The following IQSEC2 variants were observed in gnomAD, a reference collection of about 807,000 sequenced individuals.
IQSEC2 encodes the protein IQ motif and SEC7 domain-containing protein 2.
A neutral mutation model predicts 74.6 loss-of-function variants in IQSEC2; 6 were observed. That is an observed-to-expected ratio of 0.08 (90% CI 0.04 to 0.16). IQSEC2 has a LOEUF of 0.16. Ranked by LOEUF, IQSEC2 falls within the 10% of genes least tolerant of loss-of-function variation. The pLI is 1.00. For synonymous variants in IQSEC2, 494 were observed against 544.5 expected, an observed-to-expected ratio of 0.91 and a Z score of 1.29; for missense variants, 734 against 1,306.2, an observed-to-expected ratio of 0.56 and a Z score of 6.75.
At chrX:53,320,131 A>C (rs2075414849) in intron 1 of IQSEC2, among the ~76,000 whole-genome samples, 1 of 112,201 alleles carries the variant, frequency 8.9e-6, no homozygotes, top group African/African-American at 3.2e-5. Flanking sequence ...GCAAGGATGC[A>C]GCTAGGGGTT....
chrX:53,250,401 C>T lies in IQSEC2; in HGVS notation c.2175G>A (p.Pro725=), dbSNP rs781979737. The T allele has an allele frequency of 1.3e-5, 16 of 1,210,344 alleles. No homozygotes were observed. In the Admixed American group the frequency reaches 1.7e-4, roughly 13 times the overall value. ...AAGTCTGCTTGCACAGGCCGGTAGCCGGAGGCTCCCTTAGACTGTCCCGAG... is the reference window on the plus strand; with the variant it reads ...AAGTCTGCTTGCACAGGCCGGTAGCTGGAGGCTCCCTTAGACTGTCCCGAG... The part of the protein sequence containing the change: ...SSSRDSLREP[P]ATGLCKQTYQ... The change falls in exon 5 of 15, where the codon CCG becomes CCA. Residue 725 remains proline, a synonymous_variant. Transcript: ENST00000642864.
At chrX:53,291,739 C>T (rs2075102565) in intron 2 of IQSEC2, among the ~76,000 whole-genome samples, 156 bp downstream of exon 2, 1 of 110,446 alleles carries the variant, frequency 9.1e-6, no homozygotes, top group Non-Finnish European at 1.9e-5. Context: ...CAACTGCCCT[C>T]TCACCCCACT....
chrX:53,279,436 C>G, intron 2 of IQSEC2: 1 of 462,599 alleles, frequency 2.2e-6, no homozygotes. Flanking sequence ...CAGGCACTCT[C>G]CTCATACACT....
intron 4 of IQSEC2, 80 bp from the exon 5 acceptor site, chrX:53,251,254 TGAGG>T: frequency 9.7e-7 from 1 of 1,032,533 alleles, no homozygotes; most frequent in Non-Finnish European, 1.3e-6. Context: ...AAGGTGGGAA[TGAGG>T]GAGGGAGGTA....
intron 8 of IQSEC2, among the ~76,000 whole-genome samples, chrX:53,245,756 A>T (rs2074295125): frequency 9.0e-6 from 1 of 110,653 alleles, no homozygotes; most frequent in African/African-American, 3.3e-5. Context: ...GCAAGGTGAC[A>T]CCTTTCATCT....
rs367654977 is a variant in IQSEC2, at chrX:53,288,512, C to G, written c.737+3383G>C. 4.9e-4 allele frequency among the ~76,000 whole-genome samples: 54 copies of G among 110,992 alleles called. 1 individual carries two copies. The highest frequency in any genetic ancestry group is 1.5e-3 in the African/African-American group (47 of 30,425). The stretch of plus-strand genomic sequence containing the variant: ...GCTGACCCTCACTGCAGCAGTGCCT[C>G]TAGGCCTGGGCCCCCTCATCTTCTG... On this transcript the variant is annotated intron_variant, in intron 2 of 14. Transcript: ENST00000642864.
In IQSEC2 at chrX:53,307,844, GC is replaced by G. The variant is rs1389074841; in HGVS notation, c.707+12572del. On this transcript the variant is annotated intron_variant, in intron 1 of 14. Coordinates refer to ENST00000642864, the MANE Select transcript of IQSEC2 (RefSeq NM_001111125.3). Reference sequence around the variant, plus strand: ...CTTGAATCCAGCAGGTGGAGGTTGAGCCACTGCACTCCACCCTATGCAACAG... The same window carrying G: ...CTTGAATCCAGCAGGTGGAGGTTGAGCACTGCACTCCACCCTATGCAACAG... Among the ~76,000 whole-genome samples the G allele has an allele frequency of 3.1e-5, 3 of 97,632 alleles. No homozygotes were observed. In the East Asian group the frequency reaches 1.0e-3, roughly 33 times the overall value. The allele number at this position is 97,632 out of a possible 115,157, so 84.8% of individuals were successfully genotyped here.
At chrX:53,273,755 C>G (rs184656274) in intron 2 of IQSEC2, among the ~76,000 whole-genome samples, 5 of 112,173 alleles carry the variant, frequency 4.5e-5, no homozygotes, top group Admixed American at 2.8e-4. Context: ...TCTTGCTGTG[C>G]GAGTATATAC....
chrX:53,281,448 G>GCCTGGACCCAGTC, intron 2 of IQSEC2: 3 of 756,454 alleles, frequency 4.0e-6, no homozygotes, highest in Non-Finnish European at 5.9e-6. Flanking sequence ...CTGGGTCCAG[G>GCCTGGACCCAGTC]CCTGGGCAGG....
chrX:53,232,715 A>G (rs916958417), downstream of IQSEC2, among the ~76,000 whole-genome samples: 3 of 111,432 alleles, frequency 2.7e-5, no homozygotes, highest in East Asian at 8.4e-4. Context: ...GAAATGAGAT[A>G]GGAAAACCTC....
In IQSEC2 at chrX:53,262,163, G is replaced by A. The variant is rs145509107; in HGVS notation, c.738-6102C>T. Among the ~76,000 whole-genome samples the A allele has an allele frequency of 6.1e-3, 685 of 112,298 alleles. 3 individuals are homozygous for A. Among genetic ancestry groups the A allele is most frequent in the African/African-American group, 0.021 (655 of 30,861 alleles). ...CCTGGAAGGAGTTGGTAGAGATGAA[G>A]AGTGAGGGAACCTTGTGTGCCAAAG... On this transcript the variant is annotated intron_variant, in intron 2 of 14. Coordinates refer to ENST00000642864, the MANE Select transcript of IQSEC2 (RefSeq NM_001111125.3).
At chrX:53,320,268 G>A in intron 1 of IQSEC2, 149 bp downstream of exon 1, 1 of 531,364 alleles carries the variant, frequency 1.9e-6, no homozygotes, top group Non-Finnish European at 3.1e-6. Flanking sequence ...AAGGGGTGTC[G>A]GCTGGATGAG....
At chrX:53,277,324 G>A (rs1347000589) in intron 2 of IQSEC2, among the ~76,000 whole-genome samples, 1 of 110,281 alleles carries the variant, frequency 9.1e-6, no homozygotes, top group Non-Finnish European at 1.9e-5. Context: ...CGATTCTCCT[G>A]CCTCAGCCTC....
At chrX:53,268,711 T>G (rs1368186768) in intron 2 of IQSEC2, among the ~76,000 whole-genome samples, 1 of 111,793 alleles carries the variant, frequency 8.9e-6, no homozygotes, top group East Asian at 2.8e-4. Flanking sequence ...TGGATAAAGT[T>G]CAGGGTCCTC....
At chrX:53,261,252 C>G (rs782069557) in intron 2 of IQSEC2, among the ~76,000 whole-genome samples, 1 of 111,107 alleles carries the variant, frequency 9.0e-6, no homozygotes, top group Admixed American at 9.6e-5. Context: ...TGCAAACACA[C>G]AGAGAGAGAA....
chrX:53,250,997 G>T lies in IQSEC2; in HGVS notation c.1579C>A (p.Gln527Lys). The change falls in exon 5 of 15, where the codon CAA (glutamine) becomes AAA (lysine). Residue 527 changes from glutamine (Q) to lysine (K), a missense_variant. Coordinates refer to ENST00000642864, the MANE Select transcript of IQSEC2 (RefSeq NM_001111125.3). ...GTGCTGGGCAGTCGCTCAGGGGATT[G>T]TTGGGGAACTGTGTCATCCAGGTAG... ...PLYLDDTVPQ[Q>K]SPERLPSTEP... The T allele has an allele frequency of 1.7e-6, 2 of 1,212,109 alleles. No individual in the cohort carries two copies. The highest frequency in any genetic ancestry group is 2.2e-6 in the Non-Finnish European group (2 of 895,565).
chrX:53,239,419 A>C, intron 10 of IQSEC2, 125 bp from the exon 11 acceptor site: 1 of 461,533 alleles, frequency 2.2e-6, no homozygotes, highest in Non-Finnish European at 3.9e-6. Context: ...ACAAACACAC[A>C]TGCCCACAAG....
At chrX:53,235,211 G>T (rs2074109012) in intron 14 of IQSEC2, 27 bp from the exon 15 acceptor site, 1 of 1,164,441 alleles carries the variant, frequency 8.6e-7, no homozygotes, top group Non-Finnish European at 1.1e-6. Flanking sequence ...GGGAAGTCAG[G>T]CCAGGCTAGA....
chrX:53,312,312 C>T (rs1259267948), intron 1 of IQSEC2, among the ~76,000 whole-genome samples: 2 of 111,655 alleles, frequency 1.8e-5, no homozygotes, highest in Non-Finnish European at 3.8e-5. Context: ...CCTTTGAGCA[C>T]CTGTGGCCCC....
Sources: gnomAD v4.1 joint callset for allele counts (sites outside exome capture counted in the v4.1 genomes callset) on GRCh38, gnomAD v4.1.1 for gene constraint, MANE v1.5 for transcripts, NCBI Gene and HGNC (gene_info 2026-07-23, HGNC 2026-07-21) for gene names.